The following MARCHF4 variants were observed in gnomAD, a reference collection of about 807,000 sequenced individuals.
The protein encoded by MARCHF4 is E3 ubiquitin-protein ligase MARCHF4.
Under a neutral mutation model 43.9 loss-of-function variants are expected in MARCHF4, and 14 were observed. That is an observed-to-expected ratio of 0.32 (90% CI 0.21 to 0.50). The LOEUF (loss-of-function observed/expected upper bound fraction) is 0.50. Ranked by LOEUF, MARCHF4 falls within the 20% of genes least tolerant of loss-of-function variation. MARCHF4 has a pLI of 0.98. For missense variants in MARCHF4, 468 were observed against 536.7 expected, an observed-to-expected ratio of 0.87 and a Z score of 1.27; for synonymous variants, 226 against 213.3, an observed-to-expected ratio of 1.06 and a Z score of -0.52.
chr2:216,305,013 T>C (rs1574469858), intron 1 of MARCHF4, among the ~76,000 whole-genome samples: 1 of 152,108 alleles, frequency 6.6e-6, no homozygotes, highest in African/African-American at 2.4e-5. Context: ...CATGCAAGCA[T>C]CCCATGCATC....
In MARCHF4 at chr2:216,370,313, G is replaced by A. The variant is rs1030059866; in HGVS notation, c.-53C>T. 17 of 1,508,936 alleles carry A rather than the reference G, an allele frequency of 1.1e-5. No homozygotes were observed. Among genetic ancestry groups the A allele is most frequent in the Admixed American group, 4.4e-5 (2 of 45,658 alleles). The allele number at this position is 1,508,936 out of a possible 1,614,324, so 93.5% of individuals were successfully genotyped here. A position where few individuals can be genotyped will look rare whatever the true frequency, so the allele number is the denominator to read the frequency against. On this transcript the variant is annotated 5_prime_UTR_variant, in exon 1 of 4. Coordinates refer to ENST00000273067, the MANE Select transcript of MARCHF4 (RefSeq NM_020814.3). ...AGGGGTGGCTGGAGTCTTAAAAGAG[G>A]GGGACAGGACAGGTTTTGGGGGTCC... is the stretch of plus-strand genomic sequence containing the variant.
rs149047197 is a variant in MARCHF4 at position 216,344,300 on chromosome 2, A to G, written c.516+25445T>C. 5.9e-5 allele frequency among the ~76,000 whole-genome samples: 9 copies of G among 152,320 alleles called. No individual in the cohort carries two copies. In the East Asian group the frequency reaches 1.3e-3, roughly 23 times the overall value. ...GTGACAATACTTGCTCTTCCTCTAC[A>G]TAATGTACTCTGACTTTTCCTATCC... On this transcript the variant is annotated intron_variant, in intron 1 of 3. Coordinates refer to ENST00000273067, the MANE Select transcript of MARCHF4 (RefSeq NM_020814.3).
At chr2:216,285,362 G>C (rs124827) in intron 1 of MARCHF4, among the ~76,000 whole-genome samples, 67,937 of 151,944 alleles carry the variant, frequency 0.45, 15,547 homozygotes, top group South Asian at 0.54. Context: ...TCCCCACTCT[G>C]CTCCTCCAAT....
At position 216,370,190 on chromosome 2, in the gene MARCHF4, A is replaced by C. The variant is rs748957060; in HGVS notation, c.71T>G (p.Leu24Trp). 2 of 1,612,988 alleles carry C rather than the reference A, an allele frequency of 1.2e-6. No individual in the cohort carries two copies. Among genetic ancestry groups the C allele is most frequent in the Non-Finnish European group, 1.7e-6 (2 of 1,179,722 alleles). The change falls in exon 1 of 4, where the codon TTG becomes TGG. Residue 24 changes from leucine (L) to tryptophan (W), a missense_variant. Coordinates refer to ENST00000273067, the MANE Select transcript of MARCHF4 (RefSeq NM_020814.3). ...CCCSGWYCYG[L>W]CAPAPQMLRH... ...CAACATCTGGGGGGCTGGGGCACAC[A>C]ATCCATAGCAGTACCAGCCGGAGCA...
intron 1 of MARCHF4, among the ~76,000 whole-genome samples, chr2:216,368,976 C>A (rs1369027040): frequency 2.0e-5 from 3 of 152,140 alleles, no homozygotes; most frequent in African/African-American, 7.2e-5. Flanking sequence ...GTTGGCATCC[C>A]TATCCTGGAT....
At chr2:216,265,371 C>T (rs1307466431) in intron 3 of MARCHF4, 1 of 152,332 alleles carries the variant, frequency 6.6e-6, no homozygotes, top group African/African-American at 2.4e-5. Context: ...TCTCCACCTT[C>T]CGGGGCTCCT....
At chr2:216,343,131 G>A (rs541593683) in intron 1 of MARCHF4, among the ~76,000 whole-genome samples, 2 of 152,358 alleles carry the variant, frequency 1.3e-5, no homozygotes, top group South Asian at 2.1e-4. Context: ...GACCAGAGTT[G>A]AGATATTTCA....
chr2:216,324,400 G>A (rs1691953484), intron 1 of MARCHF4, among the ~76,000 whole-genome samples: 1 of 150,502 alleles, frequency 6.6e-6, no homozygotes, highest in Admixed American at 6.6e-5. Flanking sequence ...GGAGGAACTG[G>A]TACCATTCCT....
chr2:216,333,409 G>A (rs758861190), intron 1 of MARCHF4, among the ~76,000 whole-genome samples: 11 of 152,196 alleles, frequency 7.2e-5, no homozygotes, highest in African/African-American at 2.2e-4. Context: ...TTCAGTGCTC[G>A]TAAAAAATGA....
chr2:216,358,930 C>A (rs556110456), intron 1 of MARCHF4, among the ~76,000 whole-genome samples: 1 of 152,248 alleles, frequency 6.6e-6, no homozygotes, highest in East Asian at 1.9e-4. Flanking sequence ...GCTCTGGGAC[C>A]TAGGGGAAGG....
At chr2:216,288,553 T>C (rs543612927) in intron 1 of MARCHF4, among the ~76,000 whole-genome samples, 2 of 152,224 alleles carry the variant, frequency 1.3e-5, no homozygotes, top group East Asian at 3.9e-4. Context: ...GGACCCTGAC[T>C]TCTAGCCCAA....
At chr2:216,260,805 T>C (rs1690730290) in intron 3 of MARCHF4, among the ~76,000 whole-genome samples, 1 of 152,152 alleles carries the variant, frequency 6.6e-6, no homozygotes, top group Non-Finnish European at 1.5e-5. Flanking sequence ...CTGTGGCACC[T>C]GTGAAGAGGG....
chr2:216,316,883 G>T (rs1691786006), intron 1 of MARCHF4, among the ~76,000 whole-genome samples: 2 of 152,134 alleles, frequency 1.3e-5, no homozygotes, highest in South Asian at 4.2e-4. Flanking sequence ...TAGTCACTGG[G>T]CACATCAGAG....
chr2:216,367,159 T>C (rs1314919415), intron 1 of MARCHF4, among the ~76,000 whole-genome samples: 1 of 152,184 alleles, frequency 6.6e-6, no homozygotes, highest in East Asian at 1.9e-4. Context: ...AATTCCTTTG[T>C]TTGGGCAGAG....
chr2:216,302,506 G>T (rs547459494), intron 1 of MARCHF4, among the ~76,000 whole-genome samples: 143 of 151,998 alleles, frequency 9.4e-4, no homozygotes, highest in African/African-American at 3.4e-3. Flanking sequence ...GGGATTACAG[G>T]CATGAGCCAC....
Position 216,277,707 on chromosome 2 carries a change from T to C in MARCHF4, c.830A>G (p.Tyr277Cys). 6.2e-7 allele frequency: 1 copy of C among 1,613,938 alleles called. No homozygotes were observed. Among genetic ancestry groups the C allele is most frequent in the Non-Finnish European group, 8.5e-7 (1 of 1,179,856 alleles). ...CACGTCCATGAAGCCATACATCCCGTAGCAGATCTGGAAGAGAAGGTCTTG... is the reference window on the plus strand; with the variant it reads ...CACGTCCATGAAGCCATACATCCCGCAGCAGATCTGGAAGAGAAGGTCTTG... The part of the protein sequence containing the change: ...QRQDLLFQIC[Y>C]GMYGFMDVVC... Residue 277 changes from tyrosine to cysteine, a missense_variant, in exon 3 of 4, where the codon TAC (tyrosine) becomes TGC (cysteine). Transcript: ENST00000273067.
chr2:216,361,664 A>T (rs755183046), intron 1 of MARCHF4, among the ~76,000 whole-genome samples: 73 of 152,354 alleles, frequency 4.8e-4, no homozygotes, highest in Non-Finnish European at 8.1e-4. Context: ...GCTGAATCAG[A>T]CAACACAGAG....
intron 1 of MARCHF4, among the ~76,000 whole-genome samples, chr2:216,350,475 T>C (rs1692388282): frequency 1.3e-5 from 2 of 148,434 alleles, no homozygotes; most frequent in South Asian, 4.4e-4. Context: ...ACCCACACCA[T>C]CATGTGAGCC....
intron 1 of MARCHF4, among the ~76,000 whole-genome samples, chr2:216,290,291 A>G (rs1691288657): frequency 6.6e-6 from 1 of 152,166 alleles, no homozygotes; most frequent in Admixed American, 6.5e-5. Context: ...CAAGCCATAC[A>G]GTTATTTGGG....
Sources: allele counts gnomAD v4.1 joint callset (sites outside exome capture counted in the v4.1 genomes callset), GRCh38; gene constraint gnomAD v4.1.1; transcripts MANE v1.5; gene names NCBI Gene and HGNC (gene_info 2026-07-23, HGNC 2026-07-21).